CTNNA3: variants seen among roughly 807,000 people sequenced by gnomAD.
The protein encoded by CTNNA3 is catenin alpha 3.
Under a neutral mutation model 95.7 loss-of-function variants are expected in CTNNA3, and 76 were observed. That is an observed-to-expected ratio of 0.79 (90% CI 0.66 to 0.96). CTNNA3 has a LOEUF of 0.96. Ranked by LOEUF, CTNNA3 falls within the 40% of genes least tolerant of loss-of-function variation. CTNNA3 has a pLI of 0.00. For synonymous variants in CTNNA3, 431 were observed against 374.4 expected (o/e 1.15, Z -1.74); for missense variants, 1,191 against 1,089.8 (o/e 1.09, Z -1.31).
At chr10:66,070,810 G>A (rs947756169) in intron 14 of CTNNA3, among the ~76,000 whole-genome samples, 38 of 152,130 alleles carry the variant, frequency 2.5e-4, no homozygotes, top group African/African-American at 9.2e-4. Flanking sequence ...GATTGCGACT[G>A]ACCCTGTTGT....
At chr10:67,448,814 G>T (rs971027683) in intron 5 of CTNNA3, among the ~76,000 whole-genome samples, 10 of 148,336 alleles carry the variant, frequency 6.7e-5, no homozygotes, top group Non-Finnish European at 1.0e-4. Context: ...ATTTATTATA[G>T]ATATATAATT....
chr10:67,381,946 A>G (rs1843963596), intron 5 of CTNNA3, among the ~76,000 whole-genome samples: 2 of 152,102 alleles, frequency 1.3e-5, no homozygotes, highest in Non-Finnish European at 2.9e-5. Flanking sequence ...TTTTACTTAC[A>G]TGTACATTGG....
chr10:66,707,929 C>T (rs1848169921), intron 9 of CTNNA3, among the ~76,000 whole-genome samples: 1 of 152,090 alleles, frequency 6.6e-6, no homozygotes, highest in African/African-American at 2.4e-5. Context: ...TTACTTAGGA[C>T]AAAGTGTTCT....
intron 5 of CTNNA3, among the ~76,000 whole-genome samples, chr10:67,446,123 A>G (rs916878572): frequency 6.6e-6 from 1 of 152,190 alleles, no homozygotes; most frequent in African/African-American, 2.4e-5. Flanking sequence ...GGGAAGGCAA[A>G]CATGAAGAAA....
chr10:66,898,880 A>G (rs1379653158), intron 7 of CTNNA3, among the ~76,000 whole-genome samples: 2 of 152,222 alleles, frequency 1.3e-5, no homozygotes, highest in Non-Finnish European at 2.9e-5. Context: ...CATCAGGCTT[A>G]AAAGCTTCTG....
chr10:67,474,435 T>C (rs1056342112), intron 5 of CTNNA3, among the ~76,000 whole-genome samples: 5 of 152,178 alleles, frequency 3.3e-5, no homozygotes, highest in African/African-American at 4.8e-5. Flanking sequence ...AAAAGGTGAC[T>C]GTGTGCAAGC....
At chr10:67,639,079 T>C (rs1447099268) in intron 2 of CTNNA3, among the ~76,000 whole-genome samples, 1 of 152,100 alleles carries the variant, frequency 6.6e-6, no homozygotes, top group Non-Finnish European at 1.5e-5. Flanking sequence ...AGCTGGTTTT[T>C]TGAAAAGGTC....
At chr10:67,280,796 A>G (rs1839367454) in intron 5 of CTNNA3, among the ~76,000 whole-genome samples, 1 of 152,130 alleles carries the variant, frequency 6.6e-6, no homozygotes, top group African/African-American at 2.4e-5. Context: ...AAAATTGCCT[A>G]TATTTCCTCC....
intron 13 of CTNNA3, among the ~76,000 whole-genome samples, chr10:66,176,393 G>A (rs2085715152): frequency 6.6e-6 from 1 of 152,014 alleles, no homozygotes; most frequent in Non-Finnish European, 1.5e-5. Flanking sequence ...GAAGTCTTTG[G>A]AAACTGCAAA....
chr10:67,044,938 T>C (rs951589930), intron 7 of CTNNA3, among the ~76,000 whole-genome samples: 1 of 152,184 alleles, frequency 6.6e-6, no homozygotes, highest in Non-Finnish European at 1.5e-5. Context: ...AACCAGAAGC[T>C]GTGAAAAGTA....
intron 7 of CTNNA3, among the ~76,000 whole-genome samples, chr10:67,097,095 C>A (rs1036692879): frequency 6.6e-6 from 1 of 151,742 alleles, no homozygotes; most frequent in Non-Finnish European, 1.5e-5. Flanking sequence ...CTATACCAGA[C>A]CTACTGGATG....
At chr10:67,463,630 G>A (rs16924505) in intron 5 of CTNNA3, among the ~76,000 whole-genome samples, 1 of 152,096 alleles carries the variant, frequency 6.6e-6, no homozygotes, top group African/African-American at 2.4e-5. Context: ...GGAGCCTTTT[G>A]TTACCAAACC....
At chr10:66,024,342 G>T (rs1339674701) in intron 15 of CTNNA3, among the ~76,000 whole-genome samples, 1 of 152,070 alleles carries the variant, frequency 6.6e-6, no homozygotes, top group Non-Finnish European at 1.5e-5. Flanking sequence ...GCCCACCTCG[G>T]CTTCCCAAAG....
intron 7 of CTNNA3, among the ~76,000 whole-genome samples, chr10:67,107,935 C>T (rs1858740404): frequency 6.6e-6 from 1 of 152,204 alleles, no homozygotes; most frequent in South Asian, 2.1e-4. Context: ...TGCGGAGAGT[C>T]CCTGTTTCCC....
At chr10:66,636,885 C>T (rs1340642091) in intron 9 of CTNNA3, among the ~76,000 whole-genome samples, 2 of 152,076 alleles carry the variant, frequency 1.3e-5, no homozygotes, top group Non-Finnish European at 2.9e-5. Context: ...ATAATGAAAA[C>T]ATTTAAATGA....
At chr10:67,692,067 TG>T (rs1167705971) in intron 1 of CTNNA3, among the ~76,000 whole-genome samples, 29 of 108,412 alleles carry the variant, frequency 2.7e-4, no homozygotes, top group South Asian at 6.4e-4. Flanking sequence ...GGGAGGGAGG[TG>T]GGGGGGTCAG....
intron 5 of CTNNA3, among the ~76,000 whole-genome samples, chr10:67,265,940 A>T (rs1904612): frequency 6.6e-6 from 1 of 152,178 alleles, no homozygotes; most frequent in South Asian, 2.1e-4. Context: ...AATGAAACAG[A>T]TCAATCGACA....
intron 12 of CTNNA3, among the ~76,000 whole-genome samples, chr10:66,293,642 C>T (rs1416914005): frequency 6.6e-6 from 1 of 150,842 alleles, no homozygotes; most frequent in East Asian, 1.9e-4. Flanking sequence ...GTGAATTAAT[C>T]AGCATTATTT....
chr10:66,487,119 T>G (rs1225422684), intron 11 of CTNNA3, among the ~76,000 whole-genome samples: 1 of 150,412 alleles, frequency 6.6e-6, no homozygotes, highest in African/African-American at 2.5e-5. Flanking sequence ...GAATCTAATG[T>G]ACAGCATGGT....
Sources: gnomAD v4.1 joint callset for allele counts (sites outside exome capture counted in the v4.1 genomes callset) on GRCh38, gnomAD v4.1.1 for gene constraint, MANE v1.5 for transcripts, NCBI Gene and HGNC (gene_info 2026-07-23, HGNC 2026-07-21) for gene names.